Variants in SLC23A2 observed in about 807,000 individuals in gnomAD.
The protein encoded by SLC23A2 is Na(+)/L-ascorbic acid transporter 2.
Under a neutral mutation model 73.3 loss-of-function variants are expected in SLC23A2, and 36 were observed. The ratio of observed to expected loss-of-function variants is 0.49; its 90% CI spans 0.38 to 0.65. The LOEUF (loss-of-function observed/expected upper bound fraction) is 0.65. Ranked by LOEUF, SLC23A2 falls within the 30% of genes least tolerant of loss-of-function variation. The pLI is 0.00. For synonymous variants in SLC23A2, 343 were observed against 327.3 expected (o/e 1.05, Z -0.52); for missense variants, 507 against 841.6 (o/e 0.60, Z 4.92).
At chr20:4,927,717 C>T (rs531998783) in intron 3 of SLC23A2, among the ~76,000 whole-genome samples, 4 of 152,178 alleles carry the variant, frequency 2.6e-5, no homozygotes, top group East Asian at 3.9e-4. Context: ...GATGAGAATC[C>T]GAAACATCTC....
chr20:4,963,497 T>C (rs1021536613), intron 2 of SLC23A2, among the ~76,000 whole-genome samples: 3 of 151,838 alleles, frequency 2.0e-5, no homozygotes, highest in African/African-American at 7.3e-5. Context: ...AATATGATTC[T>C]CTGTGTTGCC....
rs539876328 is a variant in SLC23A2 at position 4,871,900 on chromosome 20, G to A, written c.1103-1847C>T. Among the ~76,000 whole-genome samples the A allele has an allele frequency of 2.0e-5, 3 of 152,266 alleles. No homozygotes were observed. In the South Asian group the frequency reaches 6.2e-4, roughly 32 times the overall value. ...TATTGTTGTAGCATTCTGGTTTCAA[G>A]AATTCTGGTTGTAGCATTCAAGTTT... On this transcript the variant is annotated intron_variant, in intron 11 of 16. Coordinates refer to ENST00000338244, the MANE Select transcript of SLC23A2 (RefSeq NM_005116.6).
rs1929685222 is a variant in SLC23A2, at chr20:4,855,576, T to C, written c.*1396A>G. 1 of 152,552 alleles carries C rather than the reference T, an allele frequency of 6.6e-6. No homozygotes were observed. Among genetic ancestry groups the C allele is most frequent in the Non-Finnish European group, 1.5e-5 (1 of 68,044 alleles). The allele number at this position is 152,552 out of a possible 1,614,324, so 9.4% of individuals were successfully genotyped here. On this transcript the variant is annotated 3_prime_UTR_variant, in exon 17 of 17. Transcript: ENST00000338244. Reference sequence around the variant, plus strand: ...TGTTGGCTGCTTTTCTTATCACCTTTGGCAACCACCCTCACCTGTAAAATC... The same window carrying C: ...TGTTGGCTGCTTTTCTTATCACCTTCGGCAACCACCCTCACCTGTAAAATC...
chr20:4,879,357 G>A (rs1236575666), intron 9 of SLC23A2, among the ~76,000 whole-genome samples: 1 of 132,240 alleles, frequency 7.6e-6, no homozygotes, highest in African/African-American at 3.0e-5. Flanking sequence ...TGCAGTAAGC[G>A]AGATTGCCCC....
At chr20:4,939,018 G>A (rs1410126295) in intron 2 of SLC23A2, among the ~76,000 whole-genome samples, 3 of 152,142 alleles carry the variant, frequency 2.0e-5, no homozygotes, top group Admixed American at 6.5e-5. Context: ...CAGGCAGAAG[G>A]ACTGCTTGAG....
chr20:4,875,514 C>T (rs3787457), intron 9 of SLC23A2, among the ~76,000 whole-genome samples: 34,580 of 152,116 alleles, frequency 0.23, 4,018 homozygotes, highest in Middle Eastern at 0.28. Context: ...CCTTTTGCCA[C>T]CCTGGTCACA....
chr20:4,971,159 T>TTGAAAGATAGTATTTTA (rs1555807047), intron 1 of SLC23A2, among the ~76,000 whole-genome samples: 1 of 152,054 alleles, frequency 6.6e-6, no homozygotes, highest in Non-Finnish European at 1.5e-5. Flanking sequence ...AGATAGTATT[T>TTGAAAGATAGTATTTTA]TAGAACACCT....
At chr20:4,896,827 G>C (rs6052960) in intron 6 of SLC23A2, among the ~76,000 whole-genome samples, 3 of 152,332 alleles carry the variant, frequency 2.0e-5, no homozygotes, top group African/African-American at 7.2e-5. Flanking sequence ...GCCATTGAAT[G>C]CTCCCTGTGC....
rs1931768675 is a variant in SLC23A2 at position 4,902,166 on chromosome 20, GC to G, written c.324+275del. On this transcript the variant is annotated intron_variant, in intron 5 of 16. Coordinates refer to ENST00000338244, the MANE Select transcript of SLC23A2 (RefSeq NM_005116.6). This position sits in a 1 kb window ranked among gnomAD's most constrained non-coding sequence, Gnocchi z 4.0. ...CTGTGGGCACACACCACCACACATGGCTAATTTTTGTATTTTTTGTAGAGAT... is the reference window on the plus strand; with the variant it reads ...CTGTGGGCACACACCACCACACATGGTAATTTTTGTATTTTTTGTAGAGAT... Among the ~76,000 whole-genome samples the G allele has an allele frequency of 1.3e-5, 2 of 152,212 alleles. No homozygotes were observed. Among genetic ancestry groups the G allele is most frequent in the Middle Eastern group, 3.4e-3 (1 of 294 alleles).
At chr20:4,925,750 G>A (rs1339319092) in intron 3 of SLC23A2, among the ~76,000 whole-genome samples, 8 of 152,174 alleles carry the variant, frequency 5.3e-5, no homozygotes, top group Non-Finnish European at 1.2e-4. Context: ...GCCCCAAGCA[G>A]GACACTGCCA....
At chr20:4,908,336 T>C (rs1284211295) in intron 4 of SLC23A2, among the ~76,000 whole-genome samples, 2 of 152,090 alleles carry the variant, frequency 1.3e-5, no homozygotes, top group Non-Finnish European at 2.9e-5. Flanking sequence ...CTGAGAGAGA[T>C]TCTACAAAGT....
chr20:4,945,704 A>C (rs2087109997), intron 2 of SLC23A2, among the ~76,000 whole-genome samples: 1 of 152,212 alleles, frequency 6.6e-6, no homozygotes, highest in Non-Finnish European at 1.5e-5. Flanking sequence ...TTCAGAGCAT[A>C]TCTCAAAAGA....
intron 9 of SLC23A2, among the ~76,000 whole-genome samples, chr20:4,879,015 T>A (rs747612260): frequency 6.6e-6 from 1 of 152,254 alleles, no homozygotes; most frequent in African/African-American, 2.4e-5. Flanking sequence ...ATACCCGTGA[T>A]AATAAACAAG....
chr20:4,979,550 AT>A (rs1568653404), intron 1 of SLC23A2, among the ~76,000 whole-genome samples: 2 of 152,018 alleles, frequency 1.3e-5, no homozygotes, highest in African/African-American at 2.4e-5. Flanking sequence ...ACAAAAAAAA[AT>A]GTCTAAATAT....
At position 4,899,682 on chromosome 20, in the gene SLC23A2, C is replaced by T. The variant is rs775864587; in HGVS notation, c.355G>A (p.Ala119Thr). 1.9e-6 allele frequency: 3 copies of T among 1,613,956 alleles called. No individual in the cohort carries two copies. The highest frequency in any genetic ancestry group is 2.7e-5 in the African/African-American group (2 of 74,882). ...HYLTCFSGTI[A>T]VPFLLADAMC... ...GCATCGGCCAACAGGAAGGGCACTG[C>T]GATCGTGCCGCTGAAGCATGTCAGG... The change falls in exon 6 of 17, where the codon GCA becomes ACA. Residue 119 changes from alanine (A) to threonine (T), a missense_variant. Coordinates refer to ENST00000338244, the MANE Select transcript of SLC23A2 (RefSeq NM_005116.6). This position sits in a 1 kb window ranked among gnomAD's most constrained non-coding sequence, Gnocchi z 4.9.
chr20:4,965,296 G>A (rs147568166), intron 2 of SLC23A2, among the ~76,000 whole-genome samples: 2 of 151,962 alleles, frequency 1.3e-5, no homozygotes, highest in African/African-American at 4.8e-5. Context: ...CTTCATACTC[G>A]GTAAACCTAC....
In SLC23A2 at chr20:4,951,512, G is replaced by A. The variant is rs567466280; in HGVS notation, c.-154-18796C>T. Among the ~76,000 whole-genome samples the A allele has an allele frequency of 5.3e-5, 8 of 152,236 alleles. No individual in the cohort carries two copies. The East Asian group carries it at 1.5e-3, about 29-fold the overall frequency. ...CATCAGTGCCTCTCAAGCAGACTTAGAAACAAAAGGGGCAATGAAGCCAGC... is the reference window on the plus strand; with the variant it reads ...CATCAGTGCCTCTCAAGCAGACTTAAAAACAAAAGGGGCAATGAAGCCAGC... On this transcript the variant is annotated intron_variant, in intron 2 of 16. Transcript: ENST00000338244.
chr20:4,919,197 G>A (rs533310285), intron 3 of SLC23A2, among the ~76,000 whole-genome samples: 1 of 152,310 alleles, frequency 6.6e-6, no homozygotes, highest in East Asian at 1.9e-4. Flanking sequence ...TGCAGCAGCC[G>A]ATAGATCTAA....
At chr20:4,881,569 C>T (rs1930884767) in intron 9 of SLC23A2, among the ~76,000 whole-genome samples, 1 of 152,188 alleles carries the variant, frequency 6.6e-6, no homozygotes, top group Non-Finnish European at 1.5e-5. Context: ...CTTAGCTTTG[C>T]CAGAAGTTTG....
Sources: gnomAD v4.1 joint callset for allele counts (sites outside exome capture counted in the v4.1 genomes callset) on GRCh38, gnomAD v4.1.1 for gene constraint, Gnocchi (gnomAD v3.1) non-coding constraint, MANE v1.5 for transcripts, NCBI Gene and HGNC (gene_info 2026-07-23, HGNC 2026-07-21) for gene names.